Variants in LINGO1 observed in about 807,000 individuals in gnomAD.
LINGO1 encodes leucine rich repeat and Ig domain containing 1.
Under a neutral mutation model 37.3 loss-of-function variants are expected in LINGO1, and 11 were observed. The ratio of observed to expected loss-of-function variants is 0.29; its 90% CI spans 0.19 to 0.49. The LOEUF is 0.49. Ranked by LOEUF, LINGO1 falls within the 20% of genes least tolerant of loss-of-function variation. LINGO1 has a pLI of 0.99. For synonymous variants in LINGO1, 387 were observed against 403.0 expected, an observed-to-expected ratio of 0.96 and a Z score of 0.48; for missense variants, 585 against 878.2, an observed-to-expected ratio of 0.67 and a Z score of 4.22.
chr15:77,778,812 C>G (rs905352895), intron 1 of LINGO1, among the ~76,000 whole-genome samples: 4 of 152,210 alleles, frequency 2.6e-5, no homozygotes, highest in Non-Finnish European at 4.4e-5. Flanking sequence ...CCAGAGGAAT[C>G]CTTAAAACCC....
chr15:77,708,653 C>T (rs2075881832), intron 2 of LINGO1, among the ~76,000 whole-genome samples: 1 of 152,150 alleles, frequency 6.6e-6, no homozygotes, highest in Admixed American at 6.5e-5. Context: ...GCCTGTAATC[C>T]CAGCACTTTG....
chr15:77,799,527 G>A lies in LINGO1; in HGVS notation c.-457-3474C>T, dbSNP rs531200599. 1.1e-3 allele frequency among the ~76,000 whole-genome samples: 160 copies of A among 152,306 alleles called. 2 individuals carry two copies. In the South Asian group the frequency reaches 0.031, roughly 29 times the overall value. On this transcript the variant is annotated intron_variant, in intron 1 of 5. Coordinates refer to the LINGO1 transcript ENST00000562933. ...AGGAATGACGGACTGTGAGGAAAGT[G>A]CCTTGCTACCCAGAAGTAACTCAAA...
chr15:77,658,404 G>A (rs771806195), intron 3 of LINGO1, among the ~76,000 whole-genome samples: 1 of 152,226 alleles, frequency 6.6e-6, no homozygotes, highest in Non-Finnish European at 1.5e-5. Context: ...AACAAACACT[G>A]ACCAGGCATG....
chr15:77,809,547 C>T (rs1472951381), intron 1 of LINGO1, among the ~76,000 whole-genome samples: 3 of 152,168 alleles, frequency 2.0e-5, no homozygotes, highest in Non-Finnish European at 4.4e-5. Flanking sequence ...TATGCCCCGC[C>T]CCGACCCGAT....
At chr15:77,655,101 G>T (rs146029804) in intron 3 of LINGO1, among the ~76,000 whole-genome samples, 23 of 152,330 alleles carry the variant, frequency 1.5e-4, no homozygotes, top group African/African-American at 4.8e-4. Flanking sequence ...TGGCAGTCCA[G>T]AGGGTGTCAC....
chr15:77,616,141 G>A (rs1181577137), intron 1 of LINGO1, among the ~76,000 whole-genome samples: 1 of 152,174 alleles, frequency 6.6e-6, no homozygotes, highest in Non-Finnish European at 1.5e-5. Context: ...GAATGGAGGG[G>A]CTCAGGGAAG....
In LINGO1 at chr15:77,794,366, ATACATACGTATATG is replaced by A. The variant is rs1489705077; in HGVS notation, c.-343+1559_-343+1572del. On this transcript the variant is annotated intron_variant, in intron 2 of 5. Transcript: ENST00000562933. ...TACATATATACGTATATATGTGTAT[ATACATACGTATATG>A]TATATACATACATATATACGTATAT... 1.8e-3 allele frequency among the ~76,000 whole-genome samples: 131 copies of A among 72,046 alleles called. 15 individuals carry two copies. Among genetic ancestry groups the A allele is most frequent in the Non-Finnish European group, 3.1e-3 (108 of 34,450 alleles). The allele number at this position is 72,046 out of a possible 152,430, so 47.3% of individuals were successfully genotyped here. A position where few individuals can be genotyped will look rare whatever the true frequency, so the allele number is the denominator to read the frequency against.
At chr15:77,619,702 T>TAAATAAAATA (rs138166574) in intron 1 of LINGO1, among the ~76,000 whole-genome samples, 1,798 of 147,086 alleles carry the variant, frequency 0.012, 31 homozygotes, top group African/African-American at 0.038. Context: ...AAACAATAAA[T>TAAATAAAATA]AAATAAAATA....
chr15:77,632,321 G>T lies in LINGO1; in HGVS notation c.-6C>A. 6.9e-7 allele frequency: 1 copy of T among 1,440,476 alleles called. No homozygotes were observed. The highest frequency in any genetic ancestry group is 9.1e-7 in the Non-Finnish European group (1 of 1,097,592). The allele number at this position is 1,440,476 out of a possible 1,614,324, so 89.2% of individuals were successfully genotyped here. A position where few individuals can be genotyped will look rare whatever the true frequency, so the allele number is the denominator to read the frequency against. On this transcript the variant is annotated 5_prime_UTR_variant, in exon 1 of 2. Transcript: ENST00000355300. This position sits in a 1 kb window ranked among gnomAD's most constrained non-coding sequence, Gnocchi z 6.0. ...GCCGCCTGGCTCACCTGCATCTCGG[G>T]CGCGCCTTCGGTCCGCTCGGCTCGG...
At chr15:77,691,258 C>T (rs1199552867) in intron 1 of LINGO1, among the ~76,000 whole-genome samples, 1 of 152,222 alleles carries the variant, frequency 6.6e-6, no homozygotes, top group African/African-American at 2.4e-5. Context: ...TCAACCCTTG[C>T]CTGCCTCCTG....
chr15:77,715,256 GC>G (rs751952251), intron 2 of LINGO1, among the ~76,000 whole-genome samples: 137 of 152,322 alleles, frequency 9.0e-4, no homozygotes, highest in Non-Finnish European at 1.7e-3. Flanking sequence ...ATCAGCGTGG[GC>G]CCAGCAGGCA....
chr15:77,632,519 G>A lies in LINGO1; in HGVS notation c.-204C>T, dbSNP rs1175044948. On this transcript the variant is annotated 5_prime_UTR_variant, in exon 1 of 2. Coordinates refer to ENST00000355300, the MANE Select transcript of LINGO1 (RefSeq NM_032808.7). This position sits in a 1 kb window ranked among gnomAD's most constrained non-coding sequence, Gnocchi z 6.0. ...CGGGAGCCGAGCCGGAGCCGGGGCC[G>A]GGGCTCGGGAGTGGGGAGGCGGGAG... The A allele has an allele frequency of 8.1e-6, 3 of 368,226 alleles. No homozygotes were observed. Among genetic ancestry groups the A allele is most frequent in the African/African-American group, 2.2e-5 (1 of 46,388 alleles). The allele number at this position is 368,226 out of a possible 1,614,324, so 22.8% of individuals were successfully genotyped here. A position where few individuals can be genotyped will look rare whatever the true frequency, so the allele number is the denominator to read the frequency against.
chr15:77,790,381 G>A (rs1042542356), upstream of LINGO1, among the ~76,000 whole-genome samples: 1 of 152,240 alleles, frequency 6.6e-6, no homozygotes, highest in African/African-American at 2.4e-5. Flanking sequence ...GTGATAAGGA[G>A]GAGATGGGAT....
chr15:77,708,941 C>T (rs932126355), intron 2 of LINGO1, among the ~76,000 whole-genome samples: 2 of 152,090 alleles, frequency 1.3e-5, no homozygotes, highest in African/African-American at 4.8e-5. Flanking sequence ...TCAACTTGGA[C>T]GTAGACACAC....
chr15:77,644,130 G>A (rs1395449036), intron 3 of LINGO1, among the ~76,000 whole-genome samples: 3 of 152,240 alleles, frequency 2.0e-5, no homozygotes, highest in Non-Finnish European at 4.4e-5. Context: ...ACGCTGGGGA[G>A]TTTAGGAAGG....
intron 1 of LINGO1, among the ~76,000 whole-genome samples, chr15:77,756,117 G>A (rs1422439564): frequency 6.6e-6 from 1 of 152,120 alleles, no homozygotes; most frequent in Admixed American, 6.5e-5. Flanking sequence ...GGAGGGCATG[G>A]GCCCAGGTAC....
At chr15:77,723,456 C>G (rs528253643) in intron 2 of LINGO1, among the ~76,000 whole-genome samples, 7 of 152,316 alleles carry the variant, frequency 4.6e-5, no homozygotes, top group African/African-American at 1.4e-4. Flanking sequence ...ACAACCGAGG[C>G]TGACGTCTCT....
In LINGO1 at chr15:77,613,971, G is replaced by C. The variant is rs528757544; in HGVS notation, c.*73C>G. 2.5e-5 allele frequency: 31 copies of C among 1,224,022 alleles called. No individual in the cohort carries two copies. The highest frequency in any genetic ancestry group is 3.2e-5 in the Non-Finnish European group (28 of 878,900). 75.8% of individuals were successfully genotyped at this position (1,224,022 alleles called of 1,614,324 possible). On this transcript the variant is annotated 3_prime_UTR_variant, in exon 2 of 2. Coordinates refer to ENST00000355300, the MANE Select transcript of LINGO1 (RefSeq NM_032808.7). ...GGTAGGGAGGAGGTGGGAAGGACTG[G>C]AGAGTGAGCAGGTGGCGGCCAGGCC...
In LINGO1 at chr15:77,614,813, A is replaced by G. The variant is rs760188658; in HGVS notation, c.1094T>C (p.Ile365Thr). The change falls in exon 2 of 2, where the codon ATC (isoleucine) becomes ACC (threonine). Residue 365 changes from isoleucine (I) to threonine (T), a missense_variant. By Grantham distance (89) the Ile-to-Thr change is moderately conservative (BLOSUM62 -1). Transcript: ENST00000355300. ...FHSVGNLETLILDSNPLACDC... is the reference protein window; with the variant it reads ...FHSVGNLETLTLDSNPLACDC... Reference sequence around the variant, plus strand: ...GCAGGCCAGCGGGTTGGAGTCCAGGATGAGTGTCTCCAGGTTGCCCACCGA... The same window carrying G: ...GCAGGCCAGCGGGTTGGAGTCCAGGGTGAGTGTCTCCAGGTTGCCCACCGA... 6.2e-7 allele frequency: 1 copy of G among 1,611,748 alleles called. No individual in the cohort carries two copies. Among genetic ancestry groups the G allele is most frequent in the East Asian group, 2.2e-5 (1 of 44,764 alleles).
Sources: gnomAD v4.1 joint callset for allele counts (sites outside exome capture counted in the v4.1 genomes callset) on GRCh38, gnomAD v4.1.1 for gene constraint, Gnocchi (gnomAD v3.1) non-coding constraint, MANE v1.5 for transcripts, NCBI Gene and HGNC (gene_info 2026-07-23, HGNC 2026-07-21) for gene names.